The following UGT2A2 variants were observed in gnomAD, a reference collection of about 807,000 sequenced individuals.
UGT2A2 encodes the protein UDP glucuronosyltransferase family 2 member A2.
Under a neutral mutation model 50.7 loss-of-function variants are expected in UGT2A2, and 60 were observed. That is an observed-to-expected ratio of 1.18 (90% CI 0.96 to 1.47). UGT2A2 has a LOEUF of 1.47. Ranked by LOEUF, UGT2A2 falls within the 40% of genes most tolerant of loss-of-function variation. The pLI, the probability that UGT2A2 is intolerant of heterozygous loss-of-function variation, is 0.00. For missense variants in UGT2A2, 762 were observed against 634.0 expected (o/e 1.20, Z -2.17); for synonymous variants, 242 against 214.6 (o/e 1.13, Z -1.11).
rs1380509785 is a variant in UGT2A2, at chr4:69,603,487, G to T, written c.743-4093C>A. ...AGGGAAAAAACAGAGCAGAAAAACTGGAAACTCTAAAAATCAGAGTGCCTC... is the reference window on the plus strand; with the variant it reads ...AGGGAAAAAACAGAGCAGAAAAACTTGAAACTCTAAAAATCAGAGTGCCTC... On this transcript the variant is annotated intron_variant, in intron 1 of 5. Transcript: ENST00000604629. 4.4e-5 allele frequency: 6 copies of T among 136,554 alleles called. 1 individual carries two copies. Among genetic ancestry groups the T allele is most frequent in the African/African-American group, 1.8e-4 (6 of 33,724 alleles). 8.5% of individuals were successfully genotyped at this position (136,554 alleles called of 1,614,324 possible).
At chr4:69,608,028 T>C (rs1337102168) in intron 1 of UGT2A2, among the ~76,000 whole-genome samples, 1 of 152,194 alleles carries the variant, frequency 6.6e-6, no homozygotes, top group Non-Finnish European at 1.5e-5. Context: ...CTCAGGGATC[T>C]AGAATTAGAA....
intron 1 of UGT2A2, among the ~76,000 whole-genome samples, chr4:69,627,542 GAGAGAA>G (rs1474436751): frequency 0.02 from 2,068 of 104,500 alleles, 33 homozygotes; most frequent in African/African-American, 0.05. Context: ...GAAAGAGAGA[GAGAGAA>G]AGAGAGAGAG....
chr4:69,622,004 T>G (rs1156601687), intron 1 of UGT2A2, among the ~76,000 whole-genome samples: 4 of 151,644 alleles, frequency 2.6e-5, no homozygotes, highest in Non-Finnish European at 1.5e-5. Context: ...TAAGGCCTAC[T>G]TGAGGGTGGA....
At chr4:69,632,887 A>AC (rs1278889429) in intron 1 of UGT2A2, among the ~76,000 whole-genome samples, 3 of 142,540 alleles carry the variant, frequency 2.1e-5, no homozygotes, top group African/African-American at 7.6e-5. Flanking sequence ...GACTCGGTCA[A>AC]AAAAAAAAAA....
Position 69,605,265 on chromosome 4 carries a change from A to T in UGT2A2, c.743-5871T>A, listed in dbSNP as rs551843427. ...TCAAATTAGAACTCAGGATTAAGAAATTCACTCAAAACCGCTCAACTACAT... is the reference window on the plus strand; with the variant it reads ...TCAAATTAGAACTCAGGATTAAGAATTTCACTCAAAACCGCTCAACTACAT... On this transcript the variant is annotated intron_variant, in intron 1 of 5. Transcript: ENST00000604629. 4.8e-3 allele frequency among the ~76,000 whole-genome samples: 657 copies of T among 137,112 alleles called. 138 individuals are homozygous for T. Among genetic ancestry groups the T allele is most frequent in the Middle Eastern group, 0.019 (5 of 262 alleles). 90.0% of individuals were successfully genotyped at this position (137,112 alleles called of 152,430 possible). A position where few individuals can be genotyped will look rare whatever the true frequency, so the allele number is the denominator to read the frequency against.
chr4:69,595,034 C>A (rs1007553479), intron 4 of UGT2A2, 128 bp downstream of exon 4: 1 of 1,312,296 alleles, frequency 7.6e-7, no homozygotes, highest in Non-Finnish European at 1.1e-6. Flanking sequence ...GTAATTATAT[C>A]TGCTTTAAAA....
chr4:69,622,657 A>AG (rs1464224109), intron 1 of UGT2A2, among the ~76,000 whole-genome samples: 4 of 151,664 alleles, frequency 2.6e-5, no homozygotes, highest in Admixed American at 1.3e-4. Flanking sequence ...CTCAAAGGTG[A>AG]GGGGGGCATG....
intron 3 of UGT2A2, 86 bp from the exon 4 acceptor site, chr4:69,595,335 C>T: frequency 6.7e-7 from 1 of 1,494,998 alleles, no homozygotes; most frequent in Non-Finnish European, 9.2e-7. Flanking sequence ...ATCATTTAGC[C>T]AGCTACTTGG....
chr4:69,620,662 A>G (rs531415293), intron 1 of UGT2A2, among the ~76,000 whole-genome samples: 2 of 151,354 alleles, frequency 1.3e-5, no homozygotes, highest in African/African-American at 4.8e-5. Context: ...AACCAAAAAA[A>G]AAAAAGAGCC....
At position 69,606,871 on chromosome 4, in the gene UGT2A2, T is replaced by TG. The variant is rs1719659299; in HGVS notation, c.743-7478_743-7477insC. 1.5e-5 allele frequency among the ~76,000 whole-genome samples: 2 copies of TG among 135,578 alleles called. 1 individual carries two copies. The highest frequency in any genetic ancestry group is 4.9e-4 in the South Asian group (2 of 4,080). 88.9% of individuals were successfully genotyped at this position (135,578 alleles called of 152,430 possible). On this transcript the variant is annotated intron_variant, in intron 1 of 5. Transcript: ENST00000604629. ...CTAGGAATCCAACTTACAAGGGACG[T>TG]AAGGACCTCTTCAAGAACTACAAAC...
intron 3 of UGT2A2, 112 bp downstream of exon 3, chr4:69,596,138 G>C: frequency 7.7e-7 from 1 of 1,305,928 alleles, no homozygotes; most frequent in Non-Finnish European, 9.9e-7. Context: ...ACTGTTACTA[G>C]TGATACTCAG....
At chr4:69,590,771 G>A (rs139163824) in intron 5 of UGT2A2, among the ~76,000 whole-genome samples, 5 of 152,008 alleles carry the variant, frequency 3.3e-5, no homozygotes, top group African/African-American at 1.2e-4. Flanking sequence ...CAAAAAATAA[G>A]AAGAAGAAAG....
At chr4:69,616,050 G>A (rs954608372) in intron 1 of UGT2A2, among the ~76,000 whole-genome samples, 4 of 151,930 alleles carry the variant, frequency 2.6e-5, no homozygotes, top group Admixed American at 6.6e-5. Context: ...TGAAAATCCC[G>A]TCATTTGCAA....
intron 1 of UGT2A2, among the ~76,000 whole-genome samples, chr4:69,635,275 C>T (rs1039469635): frequency 1.3e-5 from 2 of 151,952 alleles, no homozygotes; most frequent in Non-Finnish European, 2.9e-5. Flanking sequence ...ATTTTACCAG[C>T]CAAGTGTCAC....
chr4:69,626,702 A>G (rs1304521495), intron 1 of UGT2A2, among the ~76,000 whole-genome samples: 2 of 151,820 alleles, frequency 1.3e-5, no homozygotes, highest in Non-Finnish European at 2.9e-5. Context: ...AAAAATTTTC[A>G]TTATTCATTT....
rs772801936 is a variant in UGT2A2 at position 69,639,062 on chromosome 4, C to T, written c.579G>A (p.Gly193=). 2.5e-6 allele frequency: 4 copies of T among 1,613,358 alleles called. No individual in the cohort carries two copies. The highest frequency in any genetic ancestry group is 2.2e-5 in the South Asian group (2 of 91,000). The stretch of plus-strand genomic sequence containing the variant: ...CATAGGAGACTGGTGCTGGGATTTT[C>T]CCACAGTGTCTCTCCACTGTTGATG... ...SPASTVERHC[G]KIPAPVSYVP... Residue 193 remains glycine (G), a synonymous_variant, in exon 1 of 6, where the codon GGG becomes GGA. Coordinates refer to ENST00000604629, the MANE Select transcript of UGT2A2 (RefSeq NM_001105677.2).
chr4:69,603,595 G>A lies in UGT2A2; in HGVS notation c.743-4201C>T, dbSNP rs535961861. 6 of 137,000 alleles carry A rather than the reference G, an allele frequency of 4.4e-5. No individual in the cohort carries two copies. The East Asian group carries it at 1.2e-3, about 28-fold the overall frequency. The allele number at this position is 137,000 out of a possible 1,614,324, so 8.5% of individuals were successfully genotyped here. ...TGACTTTGACGAGCTGAGAGAAGAA[G>A]GCTTCAAACGATCAAACTGCTCCGA... On this transcript the variant is annotated intron_variant, in intron 1 of 5. Coordinates refer to ENST00000604629, the MANE Select transcript of UGT2A2 (RefSeq NM_001105677.2).
At chr4:69,617,503 C>T (rs1464477304) in intron 1 of UGT2A2, among the ~76,000 whole-genome samples, 1 of 151,830 alleles carries the variant, frequency 6.6e-6, no homozygotes, top group Non-Finnish European at 1.5e-5. Flanking sequence ...AAGATGAACA[C>T]ACACAACATA....
intron 1 of UGT2A2, among the ~76,000 whole-genome samples, chr4:69,612,279 A>T (rs908526798): frequency 2.0e-5 from 3 of 152,090 alleles, no homozygotes; most frequent in African/African-American, 7.2e-5. Flanking sequence ...GAGTTGGAAG[A>T]TAGCTCATGA....
Sources: allele counts gnomAD v4.1 joint callset (sites outside exome capture counted in the v4.1 genomes callset), GRCh38; gene constraint gnomAD v4.1.1; transcripts MANE v1.5; gene names NCBI Gene and HGNC (gene_info 2026-07-23, HGNC 2026-07-21).